The following ESR1 variants were observed in gnomAD, a reference collection of about 807,000 sequenced individuals.
The protein encoded by ESR1 is estrogen receptor.
In ESR1, 12 loss-of-function variants were observed where a neutral mutation model predicts 52.7. That is an observed-to-expected ratio of 0.23 (90% confidence interval 0.15 to 0.37). The LOEUF is 0.37. ESR1 is among the 10% of genes least tolerant of loss of function. The pLI, the probability that ESR1 is intolerant of heterozygous loss-of-function variation, is 1.00. For missense variants in ESR1, 584 were observed against 779.7 expected (o/e 0.75, Z 2.99); for synonymous variants, 305 against 316.8 (o/e 0.96, Z 0.39).
chr6:152,096,626 G>A (rs969288437), intron 7 of ESR1: 21 of 455,720 alleles, frequency 4.6e-5, no homozygotes, highest in Middle Eastern at 3.2e-4. Flanking sequence ...GCTTCTACTT[G>A]GTAAGAAGGT....
At chr6:152,078,481 TAAA>T in intron 6 of ESR1, among the ~76,000 whole-genome samples, 2 of 152,284 alleles carry the variant, frequency 1.3e-5, no homozygotes, top group South Asian at 4.2e-4. Flanking sequence ...TTTTTCCATT[TAAA>T]AATCAGTCTT....
intron 4 of ESR1, among the ~76,000 whole-genome samples, chr6:151,954,685 A>G (rs1343589798): frequency 6.6e-6 from 1 of 152,230 alleles, no homozygotes; most frequent in Non-Finnish European, 1.5e-5. Flanking sequence ...TTTTCAAACT[A>G]GGTAGATGAA....
chr6:151,722,592 A>C (rs530576085), intron 2 of ESR1, among the ~76,000 whole-genome samples: 178 of 152,358 alleles, frequency 1.2e-3, no homozygotes, highest in African/African-American at 4.2e-3. Context: ...TCCTTAAAAC[A>C]GTAATGATCA....
At chr6:152,022,709 C>T (rs564308637) in intron 5 of ESR1, among the ~76,000 whole-genome samples, 5 of 152,166 alleles carry the variant, frequency 3.3e-5, no homozygotes, top group East Asian at 1.9e-4. Context: ...CAGTGGCTTA[C>T]GCATGTAATC....
intron 4 of ESR1, among the ~76,000 whole-genome samples, chr6:152,006,092 T>A (rs1417581795): frequency 1.3e-5 from 2 of 151,944 alleles, no homozygotes; most frequent in African/African-American, 4.8e-5. Context: ...TGATGTAGGG[T>A]AGGTTCAAGA....
intron 2 of ESR1, among the ~76,000 whole-genome samples, chr6:151,769,319 ATTTC>A (rs916053867): frequency 3.0e-4 from 45 of 152,190 alleles, no homozygotes; most frequent in Admixed American, 2.4e-3. Context: ...GTTCACTTTT[ATTTC>A]TGACTAAGGA....
intron 6 of ESR1, chr6:152,121,752 G>A (rs1441853955): frequency 7.0e-6 from 1 of 143,238 alleles, no homozygotes; most frequent in Admixed American, 7.1e-5. Flanking sequence ...TTAGCAAACT[G>A]TACATACATA....
At chr6:152,047,183 C>T (rs757598221) in intron 5 of ESR1, among the ~76,000 whole-genome samples, 15 of 151,976 alleles carry the variant, frequency 9.9e-5, no homozygotes, top group Non-Finnish European at 1.9e-4. Context: ...GAGATCATCT[C>T]ATCCATGTCT....
intron 2 of ESR1, among the ~76,000 whole-genome samples, chr6:151,728,602 A>G (rs966870247): frequency 6.6e-6 from 1 of 152,354 alleles, no homozygotes. Flanking sequence ...GTACAGTTTT[A>G]TAAGTTTTGA....
intron 5 of ESR1, among the ~76,000 whole-genome samples, chr6:152,032,899 G>T (rs2044860422): frequency 6.6e-6 from 1 of 152,156 alleles, no homozygotes. Flanking sequence ...TATACTACAA[G>T]GCCACAGTAA....
intron 2 of ESR1, among the ~76,000 whole-genome samples, chr6:151,778,407 CT>C (rs34516184): frequency 0.032 from 4,506 of 142,568 alleles, 108 homozygotes; most frequent in African/African-American, 0.071. Context: ...ATATTTACAA[CT>C]TTTTTTTTTT....
chr6:151,782,360 C>T (rs1213119269), intron 2 of ESR1, among the ~76,000 whole-genome samples: 3 of 152,030 alleles, frequency 2.0e-5, no homozygotes. Flanking sequence ...GATGGTAAGT[C>T]TATTTTGGAA....
chr6:151,729,568 G>A lies in ESR1; in HGVS notation c.-71+27563G>A, dbSNP rs118019460. Among the ~76,000 whole-genome samples, 10 of 152,272 alleles carry A rather than the reference G, an allele frequency of 6.6e-5. 1 individual carries two copies. In the East Asian group the frequency reaches 1.9e-3, roughly 29 times the overall value. On this transcript the variant is annotated intron_variant, in intron 2 of 2. Transcript: ENST00000404742. ...AATCAACTGGAAGTAGTAGGGTAAA[G>A]GAAAGTAGGTGACTTTTGTTGAGCC... is the stretch of plus-strand genomic sequence containing the variant.
intron 1 of ESR1, among the ~76,000 whole-genome samples, chr6:151,660,681 T>A (rs1408862193): frequency 6.6e-6 from 1 of 152,210 alleles, no homozygotes; most frequent in African/African-American, 2.4e-5. Context: ...TTTCTTATTG[T>A]TATTTTTTAA....
intron 3 of ESR1, among the ~76,000 whole-genome samples, chr6:151,939,115 A>G (rs1439899523): frequency 6.6e-6 from 1 of 152,218 alleles, no homozygotes; most frequent in Non-Finnish European, 1.5e-5. Context: ...ACCATTCTGG[A>G]AAATGGCATG....
intron 5 of ESR1, among the ~76,000 whole-genome samples, chr6:152,026,192 G>T (rs2982703): frequency 0.44 from 66,759 of 151,760 alleles, 16,620 homozygotes; most frequent in African/African-American, 0.67. Flanking sequence ...AAGATAGAAG[G>T]TAAAATATTA....
At chr6:152,006,195 C>T (rs1046639746) in intron 4 of ESR1, among the ~76,000 whole-genome samples, 2 of 151,968 alleles carry the variant, frequency 1.3e-5, no homozygotes, top group African/African-American at 4.8e-5. Context: ...ATGGATGTTG[C>T]ATTTATTTTA....
intron 3 of ESR1, among the ~76,000 whole-genome samples, chr6:151,935,323 A>T (rs2128496490): frequency 6.6e-6 from 1 of 152,350 alleles, no homozygotes; most frequent in East Asian, 1.9e-4. Flanking sequence ...AACGTGAAGG[A>T]TGAATAACCA....
chr6:152,073,042 T>G (rs1005162299), intron 6 of ESR1, among the ~76,000 whole-genome samples: 1 of 152,216 alleles, frequency 6.6e-6, no homozygotes, highest in South Asian at 2.1e-4. Context: ...CTTATGTAGC[T>G]CAGGCTAGTG....
Sources: allele counts gnomAD v4.1 joint callset (sites outside exome capture counted in the v4.1 genomes callset), GRCh38; gene constraint gnomAD v4.1.1; transcripts MANE v1.5; gene names NCBI Gene and HGNC (gene_info 2026-07-23, HGNC 2026-07-21).